The following CDK20 variants were observed in gnomAD, a reference collection of about 807,000 sequenced individuals.
The protein encoded by CDK20 is cyclin dependent kinase 20.
CDK20 carries 40 observed loss-of-function variants against 38.6 expected under a neutral mutation model. That is an observed-to-expected ratio of 1.04 (90% CI 0.81 to 1.35). The LOEUF is 1.35. Among genes scored for constraint, CDK20 ranks in the 40% most tolerant of loss-of-function variants. CDK20 has a pLI of 0.00. For synonymous variants in CDK20, 209 were observed against 185.7 expected (o/e 1.13, Z -1.02); for missense variants, 512 against 452.6 (o/e 1.13, Z -1.19).
Position 87,969,858 on chromosome 9 carries a change from C to T in CDK20, c.625G>A (p.Asp209Asn), listed in dbSNP as rs749832611. ...AGCACATAGCAAAGCTGTTCAATAT[C>T]GTTCTTGCCCGGGAAAAGGGGGGAC... ...NGSPLFPGKN[D>N]IEQLCYVLRI... The change falls in exon 6 of 8, where the codon GAT becomes AAT. Residue 209 changes from aspartate to asparagine, a missense_variant. Transcript: ENST00000325303. 8.7e-6 allele frequency: 14 copies of T among 1,610,172 alleles called. No homozygotes were observed. The highest frequency in any genetic ancestry group is 6.7e-5 in the African/African-American group (5 of 74,794).
chr9:87,969,168 G>T (rs201282409), intron 7 of CDK20, 26 bp downstream of exon 7: 2 of 1,611,036 alleles, frequency 1.2e-6, no homozygotes, highest in Admixed American at 1.7e-5. Flanking sequence ...AGCTGAAGGA[G>T]CAGAGACTAC....
chr9:87,967,546 G>GT lies in CDK20; in HGVS notation c.956dup (p.His319GlnfsTer4), dbSNP rs1387566484. ...GCCGGTCCACGTGGAAGTCATGGAT[G>GT]TGGGGGGGCCCTGGATGGGCCTTGG... is the stretch of plus-strand genomic sequence containing the variant. On this transcript the variant is annotated frameshift_variant, in exon 8 of 8. Coordinates refer to ENST00000325303, the MANE Select transcript of CDK20 (RefSeq NM_001039803.3). LOFTEE classifies it high-confidence loss of function. 5.1e-6 allele frequency: 8 copies of GT among 1,553,782 alleles called. No individual in the cohort carries two copies. Among genetic ancestry groups the GT allele is most frequent in the Non-Finnish European group, 6.1e-6 (7 of 1,148,232 alleles).
rs181133081 is a variant in CDK20, at chr9:87,974,213, G to A, written c.75+159C>T. ...GCTGGGGTAGGGGACCAAGCCAGCT[G>A]TGCGGAGGGAAGCGCAACGGCCCAA... On this transcript the variant is annotated intron_variant, in intron 1 of 7. Transcript: ENST00000325303. 1,548 of 1,269,708 alleles carry A rather than the reference G, an allele frequency of 1.2e-3. 19 individuals carry two copies. In the African/African-American group the frequency reaches 0.021, roughly 17 times the overall value. The allele number at this position is 1,269,708 out of a possible 1,614,324, so 78.7% of individuals were successfully genotyped here. A position where few individuals can be genotyped will look rare whatever the true frequency, so the allele number is the denominator to read the frequency against.
rs1411967033 is a variant in CDK20, at chr9:87,967,554, G to A, written c.949C>T (p.Pro317Ser). The A allele has an allele frequency of 6.4e-7, 1 of 1,552,530 alleles. No individual in the cohort carries two copies. Among genetic ancestry groups the A allele is most frequent in the Non-Finnish European group, 8.7e-7 (1 of 1,147,428 alleles). The change falls in exon 8 of 8, where the codon CCC becomes TCC. Residue 317 changes from proline (P) to serine (S), a missense_variant. Pro to Ser is a moderately conservative substitution (Grantham distance 74). Coordinates refer to ENST00000325303, the MANE Select transcript of CDK20 (RefSeq NM_001039803.3). ...ACGTGGAAGTCATGGATGTGGGGGG[G>A]CCCTGGATGGGCCTTGGGGGCAGGT... The part of the protein sequence containing the change: ...GGPAPKAHPG[P>S]PHIHDFHVDR...
intron 7 of CDK20, chr9:87,967,919 A>C (rs1159771150): frequency 4.7e-5 from 19 of 400,500 alleles, no homozygotes; most frequent in East Asian, 4.6e-4. Flanking sequence ...ATGTCAGATA[A>C]TGATTAGTGC....
At position 87,966,694 on chromosome 9, in the gene CDK20, C is replaced by T. The variant is rs943916483; in HGVS notation, c.*768G>A. ...TAAATACACAGCTGCTTCTGGCTCA[C>T]GCTCATCCTGAGGGAGTAGATGTTG... On this transcript the variant is annotated 3_prime_UTR_variant, in exon 8 of 8. Coordinates refer to ENST00000325303, the MANE Select transcript of CDK20 (RefSeq NM_001039803.3). 3.5e-4 allele frequency: 74 copies of T among 211,372 alleles called. No homozygotes were observed. The highest frequency in any genetic ancestry group is 1.4e-3 in the African/African-American group (63 of 44,212). The allele number at this position is 211,372 out of a possible 1,614,324, so 13.1% of individuals were successfully genotyped here.
rs1233412668 is a variant in CDK20, at chr9:87,967,000, C to A, written c.*462G>T. ...TGAGGTTTTTAGAATCTATATCTCACATACTGAACTAGTGTTTAATGGCTC... is the reference window on the plus strand; with the variant it reads ...TGAGGTTTTTAGAATCTATATCTCAAATACTGAACTAGTGTTTAATGGCTC... On this transcript the variant is annotated 3_prime_UTR_variant, in exon 8 of 8. Coordinates refer to ENST00000325303, the MANE Select transcript of CDK20 (RefSeq NM_001039803.3). 1 of 485,972 alleles carries A rather than the reference C, an allele frequency of 2.1e-6. No individual in the cohort carries two copies. Among genetic ancestry groups the A allele is most frequent in the Non-Finnish European group, 4.1e-6 (1 of 242,660 alleles). The allele number at this position is 485,972 out of a possible 1,614,324, so 30.1% of individuals were successfully genotyped here. A position where few individuals can be genotyped will look rare whatever the true frequency, so the allele number is the denominator to read the frequency against.
At chr9:87,969,978 C>A in intron 5 of CDK20, 59 bp from the exon 6 acceptor site, 1 of 1,506,042 alleles carries the variant, frequency 6.6e-7, no homozygotes, top group Non-Finnish European at 8.9e-7. Flanking sequence ...ACAGACCCAC[C>A]CACAGAGCAG....
intron 7 of CDK20, 152 bp from the exon 8 acceptor site, chr9:87,967,811 G>T: frequency 1.6e-6 from 1 of 641,326 alleles, no homozygotes; most frequent in Non-Finnish European, 2.6e-6. Context: ...TATTCCAGAA[G>T]CTGGGAACAT....
Position 87,967,345 on chromosome 9 carries a change from G to T in CDK20, c.*117C>A. The T allele has an allele frequency of 1.0e-6, 1 of 988,138 alleles. No homozygotes were observed. The highest frequency in any genetic ancestry group is 1.6e-6 in the Non-Finnish European group (1 of 634,810). 61.2% of individuals were successfully genotyped at this position (988,138 alleles called of 1,614,324 possible). ...TCGCAAGGGCTAAGGGGCAGGGTGTGGTGTGGGCCCACTGTGGCCATGGGG... is the reference window on the plus strand; with the variant it reads ...TCGCAAGGGCTAAGGGGCAGGGTGTTGTGTGGGCCCACTGTGGCCATGGGG... On this transcript the variant is annotated 3_prime_UTR_variant, in exon 8 of 8. Transcript: ENST00000325303.
chr9:87,974,492 AACTCC>A lies in CDK20; in HGVS notation c.-51_-47del. On this transcript the variant is annotated 5_prime_UTR_variant, in exon 1 of 8. Transcript: ENST00000325303. The stretch of plus-strand genomic sequence containing the variant: ...GTGCCCCTGTGCCCCTGAACTTCCA[AACTCC>A]ACTTCTCCTCCACCCCACGCTGATC... The A allele has an allele frequency of 6.4e-7, 1 of 1,553,088 alleles. No homozygotes were observed. Among genetic ancestry groups the A allele is most frequent in the Non-Finnish European group, 8.8e-7 (1 of 1,139,304 alleles).
At position 87,969,253 on chromosome 9, in the gene CDK20, A is replaced by G. The variant is rs1207636507; in HGVS notation, c.784T>C (p.Leu262=). The change falls in exon 7 of 8, where the codon TTG becomes CTG. Residue 262 remains leucine (L), a synonymous_variant. Coordinates refer to ENST00000325303, the MANE Select transcript of CDK20 (RefSeq NM_001039803.3). ...AGAAGGAATTGACCCAGCAGATCCA[A>G]TGCCTGGGGAGAGACGTCAGGCAGC... ...EVLPDVSPQA[L]DLLGQFLLYP... 6 of 1,614,032 alleles carry G rather than the reference A, an allele frequency of 3.7e-6. No individual in the cohort carries two copies. Among genetic ancestry groups the G allele is most frequent in the East Asian group, 2.2e-5 (1 of 44,866 alleles).
chr9:87,974,530 G>C lies in CDK20; in HGVS notation c.-84C>G, dbSNP rs185291669. On this transcript the variant is annotated 5_prime_UTR_variant, in exon 1 of 8. Transcript: ENST00000325303. The stretch of plus-strand genomic sequence containing the variant: ...CTCCACCCCACGCTGATCTGAGCTC[G>C]CACGCTGTTGCCTAGCAACAGCGCG... 16 of 1,257,242 alleles carry C rather than the reference G, an allele frequency of 1.3e-5. No homozygotes were observed. Among genetic ancestry groups the C allele is most frequent in the Non-Finnish European group, 1.6e-5 (15 of 924,856 alleles). The allele number at this position is 1,257,242 out of a possible 1,614,324, so 77.9% of individuals were successfully genotyped here.
rs371560327 is a variant in CDK20, at chr9:87,973,913, C to G, written c.189+9G>C. On this transcript the variant is annotated intron_variant, in intron 2 of 7. Coordinates refer to ENST00000325303, the MANE Select transcript of CDK20 (RefSeq NM_001039803.3). ...GGTGAGAATACCATGCCCCCCCTCCCCTACTCACATACTGATTGTCCTCCA... is the reference window on the plus strand; with the variant it reads ...GGTGAGAATACCATGCCCCCCCTCCGCTACTCACATACTGATTGTCCTCCA... The G allele has an allele frequency of 1.6e-5, 26 of 1,612,972 alleles. No homozygotes were observed. The highest frequency in any genetic ancestry group is 4.5e-5 in the East Asian group (2 of 44,866).
rs1428522494 is a variant in CDK20, at chr9:87,966,561, G to A, written c.*901C>T. The A allele has an allele frequency of 6.3e-6, 1 of 158,666 alleles. No individual in the cohort carries two copies. Among genetic ancestry groups the A allele is most frequent in the East Asian group, 1.8e-4 (1 of 5,514 alleles). 9.8% of individuals were successfully genotyped at this position (158,666 alleles called of 1,614,324 possible). On this transcript the variant is annotated 3_prime_UTR_variant, in exon 8 of 8. Transcript: ENST00000325303. ...TGCATCTGGTTCCACTTCCTTCCAT[G>A]TATCTTTTATAATCACCTTATCAAA...
At chr9:87,971,077 C>T in intron 3 of CDK20, 70 bp downstream of exon 3, 1 of 1,542,256 alleles carries the variant, frequency 6.5e-7, no homozygotes, top group East Asian at 2.3e-5. Context: ...ACACCTTTTA[C>T]AAGGGCTAGC....
In CDK20 at chr9:87,971,593, C is replaced by T. The variant is rs114681387; in HGVS notation, c.190-258G>A. The stretch of plus-strand genomic sequence containing the variant: ...AAAAAAGGTCATTTAGTGGCACCAT[C>T]TGGTCCGCCCACCCAGCCTACCCGC... On this transcript the variant is annotated intron_variant, in intron 2 of 7. Transcript: ENST00000325303. Among the ~76,000 whole-genome samples the T allele has an allele frequency of 5.1e-3, 777 of 152,318 alleles. 4 individuals are homozygous for T. The highest frequency in any genetic ancestry group is 0.018 in the African/African-American group (747 of 41,574).
rs111630196 is a variant in CDK20 at position 87,974,502 on chromosome 9, C to T, written c.-56G>A. On this transcript the variant is annotated 5_prime_UTR_variant, in exon 1 of 8. Coordinates refer to ENST00000325303, the MANE Select transcript of CDK20 (RefSeq NM_001039803.3). Reference sequence around the variant, plus strand: ...GCCCCTGAACTTCCAAACTCCACTTCTCCTCCACCCCACGCTGATCTGAGC... The same window carrying T: ...GCCCCTGAACTTCCAAACTCCACTTTTCCTCCACCCCACGCTGATCTGAGC... The T allele has an allele frequency of 0.012, 18,617 of 1,501,188 alleles. 166 individuals carry two copies. The highest frequency in any genetic ancestry group is 0.014 in the Non-Finnish European group (15,488 of 1,099,520). 93.0% of individuals were successfully genotyped at this position (1,501,188 alleles called of 1,614,324 possible).
chr9:87,967,701 C>T (rs1356223965), intron 7 of CDK20, 42 bp from the exon 8 acceptor site: 9 of 1,431,238 alleles, frequency 6.3e-6, no homozygotes, highest in South Asian at 3.0e-5. Context: ...AAACTAGTCA[C>T]CTCCCTGTCC....
Sources: gnomAD v4.1 joint callset for allele counts (sites outside exome capture counted in the v4.1 genomes callset) on GRCh38, gnomAD v4.1.1 for gene constraint, MANE v1.5 for transcripts, NCBI Gene and HGNC (gene_info 2026-07-23, HGNC 2026-07-21) for gene names.